ADGRG7: variants seen among roughly 807,000 people sequenced by gnomAD.
ADGRG7 encodes adhesion G protein-coupled receptor G7.
Under a neutral mutation model 88.6 loss-of-function variants are expected in ADGRG7, and 82 were observed. That is an observed-to-expected ratio of 0.93 (90% CI 0.77 to 1.11). The LOEUF (loss-of-function observed/expected upper bound fraction) is 1.11. ADGRG7 is among the 50% of genes most tolerant of loss of function. The pLI is 0.00. For missense variants in ADGRG7, 945 were observed against 953.4 expected, an observed-to-expected ratio of 0.99 and a Z score of 0.12; for synonymous variants, 381 against 345.2, an observed-to-expected ratio of 1.10 and a Z score of -1.15.
intron 14 of ADGRG7, among the ~76,000 whole-genome samples, chr3:100,662,619 T>C (rs1211125877): frequency 6.6e-6 from 1 of 152,154 alleles, no homozygotes; most frequent in African/African-American, 2.4e-5. Context: ...TGATTACCAG[T>C]TGATTTTATC....
chr3:100,635,707 AT>A lies in ADGRG7; in HGVS notation c.481del (p.Ser161LeufsTer7). 1 of 1,613,986 alleles carries A rather than the reference AT, an allele frequency of 6.2e-7. No homozygotes were observed. Among genetic ancestry groups the A allele is most frequent in the South Asian group, 1.1e-5 (1 of 91,054 alleles). On this transcript the variant is annotated frameshift_variant, in exon 5 of 16. Coordinates refer to ENST00000273352, the MANE Select transcript of ADGRG7 (RefSeq NM_032787.3). LOFTEE classifies it high-confidence loss of function. Reference protein sequence around the residue: ...VKDVTAPLNNISSEVQILTSD... With the variant: ...VKDVTAPLNNXSSEVQILTSD... ...GGATGTCACAGCACCACTTAATAACATTTCTTCTGAAGTCCAGATTTTAACA... is the reference window on the plus strand; with the variant it reads ...GGATGTCACAGCACCACTTAATAACATTCTTCTGAAGTCCAGATTTTAACA...
At chr3:100,663,183 G>A (rs529178534) in intron 14 of ADGRG7, among the ~76,000 whole-genome samples, 19 of 152,078 alleles carry the variant, frequency 1.2e-4, no homozygotes, top group Non-Finnish European at 1.2e-4. Flanking sequence ...CTGACATTAT[G>A]GAGGACCTCC....
chr3:100,652,778 T>TAC (rs752275107), intron 11 of ADGRG7, among the ~76,000 whole-genome samples: 287 of 150,902 alleles, frequency 1.9e-3, no homozygotes, highest in Admixed American at 4.4e-3. Flanking sequence ...TATACACACA[T>TAC]ACACACACAC....
At chr3:100,649,372 AC>A (rs1262098658) in intron 10 of ADGRG7, among the ~76,000 whole-genome samples, 2 of 152,218 alleles carry the variant, frequency 1.3e-5, no homozygotes, top group Admixed American at 1.3e-4. Flanking sequence ...CACAGGACCA[AC>A]TGCAGGACTT....
chr3:100,672,508 A>T (rs531290347), intron 15 of ADGRG7, among the ~76,000 whole-genome samples: 1 of 152,274 alleles, frequency 6.6e-6, no homozygotes, highest in East Asian at 1.9e-4. Flanking sequence ...GCAAACAGAG[A>T]CAATTTGACT....
At position 100,637,557 on chromosome 3, in the gene ADGRG7, C is replaced by G. The variant is rs191967385; in HGVS notation, c.698+155C>G. ...ATAAGAGCTGTGACTTTCCACTTGA[C>G]CTTTAGTTACTAGATGGAGTGGTAT... On this transcript the variant is annotated intron_variant, in intron 6 of 15. Transcript: ENST00000273352. The G allele has an allele frequency of 8.3e-6, 5 of 602,246 alleles. No individual in the cohort carries two copies. The Admixed American group carries it at 1.4e-4, about 17-fold the overall frequency. 37.3% of individuals were successfully genotyped at this position (602,246 alleles called of 1,614,324 possible).
At chr3:100,639,393 T>C (rs956354601) in intron 6 of ADGRG7, among the ~76,000 whole-genome samples, 1 of 152,212 alleles carries the variant, frequency 6.6e-6, no homozygotes, top group Non-Finnish European at 1.5e-5. Context: ...CGTTGAATTT[T>C]CAAAGTAGAA....
At chr3:100,674,246 T>C (rs2094962118) in intron 15 of ADGRG7, among the ~76,000 whole-genome samples, 1 of 152,240 alleles carries the variant, frequency 6.6e-6, no homozygotes, top group Non-Finnish European at 1.5e-5. Flanking sequence ...TTTGTTCTTT[T>C]TGCTAATGAT....
At chr3:100,677,873 G>A (rs543845607) in intron 15 of ADGRG7, among the ~76,000 whole-genome samples, 6 of 152,138 alleles carry the variant, frequency 3.9e-5, no homozygotes, top group African/African-American at 1.4e-4. Context: ...TGACCTTTGG[G>A]AATTTTATTA....
intron 10 of ADGRG7, among the ~76,000 whole-genome samples, chr3:100,648,014 TA>T (rs1453298037): frequency 7.9e-5 from 12 of 152,156 alleles, no homozygotes; most frequent in Admixed American, 1.3e-4. Flanking sequence ...TCATTTGGAT[TA>T]TTTCTTTTCT....
intron 1 of ADGRG7, among the ~76,000 whole-genome samples, chr3:100,617,877 T>C (rs1438570708): frequency 6.6e-6 from 1 of 152,170 alleles, no homozygotes; most frequent in Non-Finnish European, 1.5e-5. Context: ...CCAGCACCTG[T>C]TGTTTCCTGA....
intron 1 of ADGRG7, among the ~76,000 whole-genome samples, chr3:100,621,852 C>T (rs1707315737): frequency 6.6e-6 from 1 of 152,186 alleles, no homozygotes; most frequent in South Asian, 2.1e-4. Context: ...TGGCTCCAAA[C>T]TTCAAAGGAC....
chr3:100,612,139 A>G (rs1235233375), intron 1 of ADGRG7, among the ~76,000 whole-genome samples: 1 of 152,116 alleles, frequency 6.6e-6, no homozygotes. Flanking sequence ...TAACATATAT[A>G]TAAATTAAAA....
intron 15 of ADGRG7, among the ~76,000 whole-genome samples, chr3:100,674,671 A>G (rs1263180097): frequency 1.3e-5 from 2 of 150,040 alleles, no homozygotes; most frequent in Non-Finnish European, 3.0e-5. Flanking sequence ...TCCACCTCCC[A>G]GGTTCAAGCA....
intron 15 of ADGRG7, among the ~76,000 whole-genome samples, chr3:100,679,980 G>A (rs2094970848): frequency 6.6e-6 from 1 of 152,140 alleles, no homozygotes; most frequent in Non-Finnish European, 1.5e-5. Flanking sequence ...AGTTGTTAAA[G>A]TATTCTAAAA....
At chr3:100,686,026 T>C (rs2094981999) in intron 15 of ADGRG7, among the ~76,000 whole-genome samples, 1 of 151,282 alleles carries the variant, frequency 6.6e-6, no homozygotes, top group African/African-American at 2.4e-5. Flanking sequence ...CCACATCCTC[T>C]CCAGCACCTG....
At chr3:100,634,918 G>A (rs1375578626) in intron 4 of ADGRG7, among the ~76,000 whole-genome samples, 1 of 151,980 alleles carries the variant, frequency 6.6e-6, no homozygotes, top group African/African-American at 2.4e-5. Context: ...ATTGGGTATT[G>A]TTTCTGACAC....
At chr3:100,668,705 TA>T (rs1430958240) in intron 14 of ADGRG7, among the ~76,000 whole-genome samples, 7 of 152,334 alleles carry the variant, frequency 4.6e-5, no homozygotes, top group Non-Finnish European at 7.3e-5. Context: ...GCTGTAGTAT[TA>T]AGGAGCTGTG....
intron 4 of ADGRG7, among the ~76,000 whole-genome samples, chr3:100,634,446 A>C (rs1246684371): frequency 7.2e-5 from 11 of 152,212 alleles, no homozygotes; most frequent in Admixed American, 7.2e-4. Context: ...ATAACACCAT[A>C]AATAGGTATT....
Sources: allele counts gnomAD v4.1 joint callset (sites outside exome capture counted in the v4.1 genomes callset), GRCh38; gene constraint gnomAD v4.1.1; transcripts MANE v1.5; gene names NCBI Gene and HGNC (gene_info 2026-07-23, HGNC 2026-07-21).